Variants in DOCK3 observed in about 807,000 individuals in gnomAD.
DOCK3 encodes the protein dedicator of cytokinesis protein 3.
In DOCK3, 60 loss-of-function variants were observed where a neutral mutation model predicts 265.6. That is an observed-to-expected ratio of 0.23 (90% CI 0.18 to 0.28). DOCK3 has a LOEUF of 0.28. Among genes scored for constraint, DOCK3 ranks in the 10% least tolerant of loss-of-function variants. The pLI is 1.00. For missense variants in DOCK3, 1,981 were observed against 2,594.3 expected (o/e 0.76, Z 5.14); for synonymous variants, 881 against 938.0 (o/e 0.94, Z 1.11).
At chr3:51,199,182 G>T (rs2088530906) in intron 12 of DOCK3, among the ~76,000 whole-genome samples, 1 of 152,306 alleles carries the variant, frequency 6.6e-6, no homozygotes, top group East Asian at 1.9e-4. Flanking sequence ...GCCAGACAAT[G>T]GGCGCAGGTC....
At chr3:50,989,226 G>C (rs544283079) in intron 5 of DOCK3, among the ~76,000 whole-genome samples, 1 of 152,258 alleles carries the variant, frequency 6.6e-6, no homozygotes, top group South Asian at 2.1e-4. Context: ...CTGGGGTGAA[G>C]CTCCCAGGAG....
intron 22 of DOCK3, among the ~76,000 whole-genome samples, chr3:51,254,958 A>G (rs1440639787): frequency 6.6e-6 from 1 of 152,190 alleles, no homozygotes; most frequent in African/African-American, 2.4e-5. Context: ...GTTTCTTCCT[A>G]GCATCTATGG....
At chr3:51,214,329 G>C in intron 14 of DOCK3, 82 bp downstream of exon 14, 1 of 1,540,766 alleles carries the variant, frequency 6.5e-7, no homozygotes, top group East Asian at 2.3e-5. Context: ...GTGGTGAACT[G>C]TGCTATGGAG....
chr3:51,214,507 A>G (rs1460935255), intron 14 of DOCK3, among the ~76,000 whole-genome samples: 1 of 152,194 alleles, frequency 6.6e-6, no homozygotes, highest in African/African-American at 2.4e-5. Context: ...GTTGTCTTCC[A>G]TGAAGTAGAA....
chr3:50,998,294 A>G (rs780352273), intron 5 of DOCK3, among the ~76,000 whole-genome samples: 2 of 152,120 alleles, frequency 1.3e-5, no homozygotes, highest in Non-Finnish European at 2.9e-5. Context: ...TGATTAGACT[A>G]ATTGGAGAGC....
Position 51,374,708 on chromosome 3 carries a change from C to A in DOCK3, c.5412+121C>A. 2 of 922,020 alleles carry A rather than the reference C, an allele frequency of 2.2e-6. No individual in the cohort carries two copies. Among genetic ancestry groups the A allele is most frequent in the Non-Finnish European group, 3.3e-6 (2 of 601,478 alleles). 57.1% of individuals were successfully genotyped at this position (922,020 alleles called of 1,614,324 possible). A position where few individuals can be genotyped will look rare whatever the true frequency, so the allele number is the denominator to read the frequency against. ...GGCTCTCTCATTCCGCTGTAAGATC[C>A]CGCAAAAGGCCGCTGGGCTTCTGGA... is the stretch of plus-strand genomic sequence containing the variant. On this transcript the variant is annotated intron_variant, in intron 50 of 52. Transcript: ENST00000266037. This position sits in a 1 kb window ranked among gnomAD's most constrained non-coding sequence, Gnocchi z 4.8.
At position 51,356,422 on chromosome 3, in the gene DOCK3, C is replaced by T. The variant is rs1022418525; in HGVS notation, c.4432C>T (p.Arg1478Cys). Residue 1478 changes from arginine to cysteine, a missense_variant, in exon 43 of 53, where the codon CGT (arginine) becomes TGT (cysteine). This residue lies in a region of DOCK3 where 1,357 missense variants were observed against 1,866.8 expected (regional missense o/e 0.73). Transcript: ENST00000266037. ...CTCCCTACAGAGCCTGTGGATTGAA[C>T]GTACCACACTGACCCTGACCCACAG... Reference protein sequence around the residue: ...ENEFKSLWIERTTLTLTHSLP... With the variant: ...ENEFKSLWIECTTLTLTHSLP... 5 of 1,613,238 alleles carry T rather than the reference C, an allele frequency of 3.1e-6. No individual in the cohort carries two copies. The African/African-American group carries it at 4.0e-5, about 13-fold the overall frequency.
chr3:51,251,748 A>C (rs1287777920), intron 22 of DOCK3, among the ~76,000 whole-genome samples: 1 of 152,226 alleles, frequency 6.6e-6, no homozygotes, highest in South Asian at 2.1e-4. Context: ...TTCTTTGTAG[A>C]TTTTGGATAT....
At position 51,384,050 on chromosome 3, in the gene DOCK3, A is replaced by G. The variant is rs372951771; in HGVS notation, c.*2491A>G. ...AATTTGTACCATTGTCCCAAGAGGT[A>G]TTTTACTGTATATATTGTGGTAGCA... is the stretch of plus-strand genomic sequence containing the variant. On this transcript the variant is annotated 3_prime_UTR_variant, in exon 53 of 53. Coordinates refer to ENST00000266037, the MANE Select transcript of DOCK3 (RefSeq NM_004947.5). 5 of 152,662 alleles carry G rather than the reference A, an allele frequency of 3.3e-5. No homozygotes were observed. The South Asian group carries it at 8.3e-4, about 25-fold the overall frequency. The allele number at this position is 152,662 out of a possible 1,614,324, so 9.5% of individuals were successfully genotyped here. A position where few individuals can be genotyped will look rare whatever the true frequency, so the allele number is the denominator to read the frequency against.
rs56402328 is a variant in DOCK3 at position 50,705,048 on chromosome 3, T to TTA, written c.37+29748_37+29749insTA. Among the ~76,000 whole-genome samples the TTA allele has an allele frequency of 6.6e-4, 100 of 150,616 alleles. 1 individual carries two copies. In the Middle Eastern group the frequency reaches 0.017, roughly 26 times the overall value. ...TGTTTTCTGATTTTTTTTTTTTTTTTAATCTATTCCTTGTTCCTTTCTTCT... is the reference window on the plus strand; with the variant it reads ...TGTTTTCTGATTTTTTTTTTTTTTTTTAAATCTATTCCTTGTTCCTTTCTTCT... On this transcript the variant is annotated intron_variant, in intron 1 of 52. Transcript: ENST00000266037.
chr3:50,995,091 C>T (rs2078231643), intron 5 of DOCK3, among the ~76,000 whole-genome samples: 2 of 152,230 alleles, frequency 1.3e-5, no homozygotes, highest in South Asian at 4.2e-4. Context: ...TGGATTCTCA[C>T]ATTTAGTATT....
intron 1 of DOCK3, among the ~76,000 whole-genome samples, chr3:50,712,268 CT>C (rs1402791407): frequency 2.6e-5 from 4 of 152,012 alleles, no homozygotes; most frequent in Non-Finnish European, 5.9e-5. Flanking sequence ...AATTTTTCAT[CT>C]TTTTTATTAG....
chr3:50,784,269 C>T (rs980693629), intron 2 of DOCK3, among the ~76,000 whole-genome samples: 1 of 152,174 alleles, frequency 6.6e-6, no homozygotes, highest in African/African-American at 2.4e-5. Context: ...TAGGGTGTGT[C>T]CTTTCCCCAC....
intron 19 of DOCK3, among the ~76,000 whole-genome samples, chr3:51,231,729 G>A (rs1295992265): frequency 6.6e-6 from 1 of 152,104 alleles, no homozygotes; most frequent in South Asian, 2.1e-4. Context: ...TCTGTTGATA[G>A]TTTCTTTTGC....
At chr3:50,882,044 C>A (rs149939851) in intron 3 of DOCK3, among the ~76,000 whole-genome samples, 36 of 152,106 alleles carry the variant, frequency 2.4e-4, no homozygotes, top group African/African-American at 8.4e-4. Context: ...AAATGGTGCT[C>A]GGAAAACTGG....
At chr3:50,973,244 C>T (rs984879506) in intron 5 of DOCK3, among the ~76,000 whole-genome samples, 19 of 150,058 alleles carry the variant, frequency 1.3e-4, no homozygotes, top group African/African-American at 3.5e-4. Context: ...CCCACTAACT[C>T]GTCATCTAGC....
chr3:51,034,371 A>G (rs2080172750), intron 5 of DOCK3, among the ~76,000 whole-genome samples: 2 of 151,970 alleles, frequency 1.3e-5, no homozygotes, highest in African/African-American at 4.8e-5. Context: ...TAATTTATGT[A>G]TCAGCTTTTA....
Position 51,323,550 on chromosome 3 carries a change from A to T in DOCK3, c.3403-6588A>T, listed in dbSNP as rs181401784. ...GAAACTCACTCAAAACCGCACAACT[A>T]TATGGAAACTGAACAACCTGCTCCT... is the stretch of plus-strand genomic sequence containing the variant. On this transcript the variant is annotated intron_variant, in intron 32 of 52. Coordinates refer to ENST00000266037, the MANE Select transcript of DOCK3 (RefSeq NM_004947.5). Among the ~76,000 whole-genome samples the T allele has an allele frequency of 2.7e-3, 410 of 152,320 alleles. 4 individuals are homozygous for T. Among genetic ancestry groups the T allele is most frequent in the African/African-American group, 9.4e-3 (389 of 41,574 alleles).
At chr3:51,254,729 C>T (rs946849162) in intron 22 of DOCK3, among the ~76,000 whole-genome samples, 1 of 152,128 alleles carries the variant, frequency 6.6e-6, no homozygotes, top group African/African-American at 2.4e-5. Flanking sequence ...GGTAGATCTT[C>T]CTCCATCCCT....
Sources: allele counts gnomAD v4.1 joint callset (sites outside exome capture counted in the v4.1 genomes callset), GRCh38; gene constraint gnomAD v4.1.1; regional missense constraint gnomAD v4.1.1; non-coding constraint Gnocchi (gnomAD v3.1); transcripts MANE v1.5; gene names NCBI Gene and HGNC (gene_info 2026-07-23, HGNC 2026-07-21).